The following PDE4DIP variants were observed in gnomAD, a reference collection of about 807,000 sequenced individuals.
The protein encoded by PDE4DIP is myomegalin.
A neutral mutation model predicts 221.4 loss-of-function variants in PDE4DIP; 59 were observed. That is an observed-to-expected ratio of 0.27 (90% CI 0.22 to 0.33). The LOEUF (loss-of-function observed/expected upper bound fraction) is 0.33, where lower values mean the gene tolerates loss of function less well. PDE4DIP is among the 10% of genes least tolerant of loss of function. PDE4DIP has a pLI of 1.00. For missense variants in PDE4DIP, 1,036 were observed against 2,154.2 expected (o/e 0.48, Z 10.28); for synonymous variants, 404 against 815.9 (o/e 0.50, Z 8.60).
chr1:148,907,108 G>C (rs1239106916), intron 1 of PDE4DIP, among the ~76,000 whole-genome samples: 12 of 144,126 alleles, frequency 8.3e-5, no homozygotes, highest in African/African-American at 3.2e-4. Flanking sequence ...TGCTTTTGGT[G>C]TCCATTTGCA....
At chr1:149,028,628 G>C in exon 41 of PDE4DIP, 1 of 1,605,402 alleles carries the variant, frequency 6.2e-7, no homozygotes. Context: ...CCCTAGAGGA[G>C]TCAGCTTCCC....
chr1:148,970,837 G>A (rs1217333493), intron 14 of PDE4DIP, among the ~76,000 whole-genome samples: 20 of 152,006 alleles, frequency 1.3e-4, no homozygotes, highest in Admixed American at 6.6e-5. Context: ...ATTCTGATAC[G>A]TCTAAAATAG....
chr1:148,926,713 T>A (rs1410672343), intron 1 of PDE4DIP, among the ~76,000 whole-genome samples: 3 of 151,848 alleles, frequency 2.0e-5, no homozygotes, highest in African/African-American at 7.3e-5. Context: ...CCCACATAAT[T>A]GAATGCATAT....
At chr1:148,836,382 C>T (rs1159304252) in intron 1 of PDE4DIP, among the ~76,000 whole-genome samples, 2 of 144,406 alleles carry the variant, frequency 1.4e-5, no homozygotes, top group Non-Finnish European at 3.1e-5. Context: ...CTTGTGCCTC[C>T]CGGGTGAGGT....
intron 32 of PDE4DIP, 46 bp downstream of exon 35, chr1:149,012,822 T>A (rs2069002983): frequency 1.7e-6 from 2 of 1,188,188 alleles, no homozygotes; most frequent in African/African-American, 3.0e-5. Context: ...AGCCCCACAC[T>A]GTGTTGCTCT....
Position 148,973,221 on chromosome 1 carries a change from G to A in PDE4DIP, c.2227+629G>A, listed in dbSNP as rs587746427. ...GAGTCTCGCTCTGTCACCCAGGTGG[G>A]AGTGCAGTGGCACGATCTCTCTGCT... On this transcript the variant is annotated intron_variant, in intron 16 of 43. Coordinates refer to ENST00000369354, the Ensembl canonical transcript of PDE4DIP. 9.3e-5 allele frequency among the ~76,000 whole-genome samples: 14 copies of A among 151,306 alleles called. No individual in the cohort carries two copies. The East Asian group carries it at 2.7e-3, about 29-fold the overall frequency.
At chr1:148,970,648 AG>A (rs2059043034) in intron 14 of PDE4DIP, among the ~76,000 whole-genome samples, 1 of 152,168 alleles carries the variant, frequency 6.6e-6, no homozygotes, top group African/African-American at 2.4e-5. Flanking sequence ...ACAAGTTTCC[AG>A]GTGATAGTGA....
intron 35 of PDE4DIP, chr1:149,019,725 C>T (rs1553615897): frequency 1.3e-5 from 2 of 153,728 alleles, no homozygotes; most frequent in Non-Finnish European, 2.9e-5. Context: ...CTTCAATAAT[C>T]TTTGACAACT....
chr1:148,989,866 T>C (rs1176789842), intron 21 of PDE4DIP, among the ~76,000 whole-genome samples: 5 of 152,162 alleles, frequency 3.3e-5, no homozygotes, highest in Non-Finnish European at 5.9e-5. Flanking sequence ...TTCAGTAGGT[T>C]TTTAAAGCAG....
chr1:148,893,227 C>CA (rs1266909646), intron 1 of PDE4DIP, among the ~76,000 whole-genome samples: 1 of 134,926 alleles, frequency 7.4e-6, no homozygotes, highest in East Asian at 2.8e-4. Flanking sequence ...GCTGGGATTA[C>CA]AGGCATGAGC....
chr1:148,861,743 C>G (rs1440327304), intron 1 of PDE4DIP, among the ~76,000 whole-genome samples: 1 of 86,358 alleles, frequency 1.2e-5, no homozygotes. Context: ...CTATTGAAAG[C>G]ATCTTTCTGT....
exon 32 of PDE4DIP, chr1:149,012,747 T>C: frequency 6.2e-7 from 1 of 1,610,398 alleles, no homozygotes; most frequent in Non-Finnish European, 8.5e-7. Context: ...CAGCAGGAGC[T>C]ACAGATGCTG....
chr1:148,951,575 G>C (rs1364399322), intron 5 of PDE4DIP, among the ~76,000 whole-genome samples: 1 of 152,184 alleles, frequency 6.6e-6, no homozygotes, highest in East Asian at 1.9e-4. Context: ...TTTGTCTACC[G>C]TCCCCTGTCC....
chr1:148,986,043 A>T (rs1263599117), intron 21 of PDE4DIP: 2 of 152,204 alleles, frequency 1.3e-5, no homozygotes, highest in Non-Finnish European at 2.9e-5. Flanking sequence ...ATCTGTGTCC[A>T]TGAAGTCTTA....
At chr1:148,940,785 G>GA (rs143293163) in intron 5 of PDE4DIP, among the ~76,000 whole-genome samples, 1 of 147,804 alleles carries the variant, frequency 6.8e-6, no homozygotes, top group Non-Finnish European at 1.5e-5. Context: ...CGTCTTATGG[G>GA]AAAAAAAATT....
At chr1:148,938,845 G>A (rs1425088725) in intron 5 of PDE4DIP, among the ~76,000 whole-genome samples, 6 of 150,948 alleles carry the variant, frequency 4.0e-5, no homozygotes, top group African/African-American at 1.5e-4. Context: ...CTGAAGTGCA[G>A]TGGGATGATC....
At chr1:148,981,006 C>A (rs2060987101) in intron 20 of PDE4DIP, among the ~76,000 whole-genome samples, 1 of 152,176 alleles carries the variant, frequency 6.6e-6, no homozygotes, top group African/African-American at 2.4e-5. Context: ...TGAGATAAGT[C>A]TTAGGAGCTA....
chr1:148,952,097 G>A, intron 5 of PDE4DIP: 2 of 1,019,768 alleles, frequency 2.0e-6, no homozygotes, highest in South Asian at 4.6e-5. Flanking sequence ...CCGCGAGGAG[G>A]AGCCTCGACA....
rs1573487104 is a variant in PDE4DIP at position 148,923,590 on chromosome 1, C to T, written c.142-5607C>T. Among the ~76,000 whole-genome samples, 6 of 140,662 alleles carry T rather than the reference C, an allele frequency of 4.3e-5. 1 individual carries two copies. The South Asian group carries it at 1.3e-3, about 31-fold the overall frequency. 92.3% of individuals were successfully genotyped at this position (140,662 alleles called of 152,430 possible). A position where few individuals can be genotyped will look rare whatever the true frequency, so the allele number is the denominator to read the frequency against. On this transcript the variant is annotated intron_variant, in intron 1 of 43. Coordinates refer to ENST00000369354, the Ensembl canonical transcript of PDE4DIP. ...CCGGGTTCACGCCATTCTCCTGCCTCAGCCTCTCAAGTAGCTGGGACTACA... is the reference window on the plus strand; with the variant it reads ...CCGGGTTCACGCCATTCTCCTGCCTTAGCCTCTCAAGTAGCTGGGACTACA...
Sources: allele counts gnomAD v4.1 joint callset (sites outside exome capture counted in the v4.1 genomes callset), GRCh38; gene constraint gnomAD v4.1.1; transcripts MANE v1.5; gene names NCBI Gene and HGNC (gene_info 2026-07-23, HGNC 2026-07-21).